HDAC9: variants seen among roughly 807,000 people sequenced by gnomAD.
HDAC9 encodes histone deacetylase 9, also known as MEF-2 interacting transcription repressor (MITR) protein.
In HDAC9, 41 loss-of-function variants were observed where a neutral mutation model predicts 139.4. The observed-to-expected ratio is 0.29, with a 90% CI of 0.23 to 0.38. HDAC9 has a LOEUF of 0.38. Ranked by LOEUF, HDAC9 falls within the 10% of genes least tolerant of loss-of-function variation. The pLI is 1.00. For synonymous variants in HDAC9, 517 were observed against 476.2 expected, an observed-to-expected ratio of 1.09 and a Z score of -1.12; for missense variants, 1,147 against 1,297.0, an observed-to-expected ratio of 0.88 and a Z score of 1.78.
chr7:18,344,356 G>T (rs1350547250), intron 1 of HDAC9, among the ~76,000 whole-genome samples: 1 of 151,816 alleles, frequency 6.6e-6, no homozygotes, highest in Non-Finnish European at 1.5e-5. Context: ...AGCTTATAAG[G>T]TATTATTATC....
intron 1 of HDAC9, among the ~76,000 whole-genome samples, chr7:18,370,210 A>G (rs564043601): frequency 6.6e-6 from 1 of 152,302 alleles, no homozygotes; most frequent in South Asian, 2.1e-4. Context: ...CCCTGTACTC[A>G]CTAGCAATCC....
chr7:18,377,839 G>T (rs1045167428), intron 1 of HDAC9, among the ~76,000 whole-genome samples: 1 of 152,036 alleles, frequency 6.6e-6, no homozygotes, highest in Non-Finnish European at 1.5e-5. Context: ...ACAAAGATAA[G>T]AATTTTATTT....
intron 1 of HDAC9, among the ~76,000 whole-genome samples, chr7:18,442,132 C>A (rs1230463698): frequency 6.6e-6 from 1 of 152,138 alleles, no homozygotes; most frequent in Non-Finnish European, 1.5e-5. Context: ...CACAGATTTT[C>A]AATTCCCAAT....
intron 13 of HDAC9, among the ~76,000 whole-genome samples, chr7:18,743,262 A>G (rs1374496530): frequency 6.6e-6 from 1 of 152,138 alleles, no homozygotes; most frequent in Non-Finnish European, 1.5e-5. Flanking sequence ...ACACTCATAT[A>G]GTGTTAGTTG....
intron 21 of HDAC9, among the ~76,000 whole-genome samples, chr7:18,862,282 G>T (rs75512844): frequency 1.6e-4 from 25 of 152,090 alleles, no homozygotes; most frequent in South Asian, 2.1e-4. Flanking sequence ...AATGTGAAGG[G>T]GGAAAAAAGT....
At chr7:18,732,961 GTATGTGTA>G (rs1412556252) in intron 13 of HDAC9, among the ~76,000 whole-genome samples, 2 of 140,234 alleles carry the variant, frequency 1.4e-5, no homozygotes, top group Admixed American at 1.4e-4. Context: ...GTATGTGTGT[GTATGTGTA>G]TATACACATG....
intron 6 of HDAC9, among the ~76,000 whole-genome samples, chr7:18,601,230 A>T (rs1833855575): frequency 6.6e-6 from 1 of 152,140 alleles, no homozygotes; most frequent in Admixed American, 6.5e-5. Flanking sequence ...TTTGGTATTG[A>T]TGTAAATGTT....
chr7:18,438,454 A>G (rs17139213), intron 1 of HDAC9, among the ~76,000 whole-genome samples: 2,856 of 152,270 alleles, frequency 0.019, 135 homozygotes, highest in East Asian at 0.18. Context: ...TTTAGAATCA[A>G]TGTATTGTAG....
intron 22 of HDAC9, among the ~76,000 whole-genome samples, chr7:18,934,436 A>T (rs892560806): frequency 2.0e-5 from 3 of 152,192 alleles, no homozygotes; most frequent in Non-Finnish European, 4.4e-5. Context: ...ATAATACATT[A>T]TGACCAAGCT....
At chr7:18,704,545 A>G (rs539499841) in intron 12 of HDAC9, among the ~76,000 whole-genome samples, 16 of 152,330 alleles carry the variant, frequency 1.1e-4, no homozygotes, top group Admixed American at 2.6e-4. Flanking sequence ...TCACAAATGG[A>G]CATTCTCAAA....
At chr7:18,502,192 T>C (rs1304149907) in intron 2 of HDAC9, among the ~76,000 whole-genome samples, 2 of 152,206 alleles carry the variant, frequency 1.3e-5, no homozygotes, top group Admixed American at 6.5e-5. Flanking sequence ...AAGCATCATG[T>C]TATTTATGCA....
chr7:18,425,920 C>G (rs1790074784), intron 1 of HDAC9, among the ~76,000 whole-genome samples: 1 of 152,102 alleles, frequency 6.6e-6, no homozygotes. Flanking sequence ...TTTTGCCAAG[C>G]CAGAAGATAT....
intron 1 of HDAC9, chr7:18,325,688 AAAT>A (rs940423807): frequency 7.2e-5 from 11 of 152,094 alleles, no homozygotes; most frequent in African/African-American, 2.7e-4. Context: ...AAGCAAAAAA[AAAT>A]AATAAAATAA....
At chr7:18,094,868 C>G (rs542664806) in intron 1 of HDAC9, among the ~76,000 whole-genome samples, 27 of 152,144 alleles carry the variant, frequency 1.8e-4, no homozygotes, top group African/African-American at 6.3e-4. Context: ...ACAGGAATAG[C>G]CAGCCTGAGA....
At chr7:18,378,886 G>A (rs936819076) in intron 1 of HDAC9, among the ~76,000 whole-genome samples, 2 of 152,022 alleles carry the variant, frequency 1.3e-5, no homozygotes, top group African/African-American at 4.8e-5. Context: ...ACTAAATATG[G>A]AAAGCCTTCC....
At chr7:18,494,054 A>G (rs1353447233), upstream of HDAC9, among the ~76,000 whole-genome samples, 1 of 152,088 alleles carries the variant, frequency 6.6e-6, no homozygotes, top group Non-Finnish European at 1.5e-5. Context: ...TTACACATAA[A>G]TTTTGTAATC....
chr7:18,583,882 G>A (rs1828602570), intron 2 of HDAC9, among the ~76,000 whole-genome samples: 1 of 152,122 alleles, frequency 6.6e-6, no homozygotes, highest in South Asian at 2.1e-4. Flanking sequence ...GGCCTCTTTT[G>A]AAAAGCCATG....
At chr7:18,750,732 C>T (rs566807796) in intron 14 of HDAC9, among the ~76,000 whole-genome samples, 1 of 152,254 alleles carries the variant, frequency 6.6e-6, no homozygotes, top group East Asian at 1.9e-4. Flanking sequence ...CATATGGAGT[C>T]CATAAAGTAG....
intron 1 of HDAC9, among the ~76,000 whole-genome samples, chr7:18,431,870 T>C (rs1036306250): frequency 1.3e-5 from 2 of 152,212 alleles, no homozygotes; most frequent in Non-Finnish European, 2.9e-5. Context: ...TATTGAGAAC[T>C]TGGTATCTGT....
Sources: allele counts gnomAD v4.1 joint callset (sites outside exome capture counted in the v4.1 genomes callset), GRCh38; gene constraint gnomAD v4.1.1; transcripts MANE v1.5; gene names NCBI Gene and HGNC (gene_info 2026-07-23, HGNC 2026-07-21).